The following ATOSA variants were observed in gnomAD, a reference collection of about 807,000 sequenced individuals.
The protein encoded by ATOSA is atos homolog protein A.
At chr15:52,658,799 TACA>T in the ATOSA span, 1 of 119,970 alleles carries the variant, frequency 8.3e-6, no homozygotes, top group Non-Finnish European at 1.2e-5. Context: ...ACCTCGTTTC[TACA>T]AAAAAAAAAA....
At chr15:52,629,506 TA>T in the ATOSA span, among the ~76,000 whole-genome samples, 33 of 139,128 alleles carry the variant, frequency 2.4e-4, no homozygotes, top group Middle Eastern at 3.6e-3. Flanking sequence ...TAAGGGTAGT[TA>T]AAAAAAAAAA....
chr15:52,585,446 T>C, the ATOSA span: 2 of 152,462 alleles, frequency 1.3e-5, no homozygotes, highest in African/African-American at 4.8e-5. Context: ...ATGTCTTAGG[T>C]ACATATGATT....
chr15:52,646,660 A>T, the ATOSA span, among the ~76,000 whole-genome samples: 3 of 152,314 alleles, frequency 2.0e-5, no homozygotes, highest in East Asian at 5.8e-4. Flanking sequence ...ACCATGTGAC[A>T]CTTTGCTTGC....
At chr15:52,663,231 A>C in the ATOSA span, among the ~76,000 whole-genome samples, 1 of 152,192 alleles carries the variant, frequency 6.6e-6, no homozygotes, top group Non-Finnish European at 1.5e-5. Context: ...TATCCAAATC[A>C]TAACAGTTTT....
At chr15:52,678,681 G>C in the ATOSA span, 2 of 153,506 alleles carry the variant, frequency 1.3e-5, no homozygotes, top group African/African-American at 4.8e-5. Context: ...GAACTCTTCC[G>C]GGCTGTCCCG....
chr15:52,627,391 C>G, the ATOSA span, among the ~76,000 whole-genome samples: 1 of 152,144 alleles, frequency 6.6e-6, no homozygotes, highest in Admixed American at 6.5e-5. Flanking sequence ...TCTATTAGTA[C>G]AGGGGCCAGG....
chr15:52,675,258 T>C, the ATOSA span, among the ~76,000 whole-genome samples: 2 of 152,176 alleles, frequency 1.3e-5, no homozygotes, highest in Non-Finnish European at 2.9e-5. Flanking sequence ...CAAAGTACAG[T>C]AGAAACTCCT....
chr15:52,649,844 T>G, the ATOSA span: 1 of 152,142 alleles, frequency 6.6e-6, no homozygotes, highest in East Asian at 1.9e-4. Flanking sequence ...CATTTTTAGG[T>G]GCTAAGCCCA....
chr15:52,612,982 G>A, the ATOSA span, among the ~76,000 whole-genome samples: 1 of 151,664 alleles, frequency 6.6e-6, no homozygotes, highest in African/African-American at 2.4e-5. Flanking sequence ...AATACAAAAG[G>A]GAAATTGGTT....
the ATOSA span, chr15:52,610,086 T>G: frequency 6.2e-7 from 1 of 1,614,016 alleles, no homozygotes; most frequent in Non-Finnish European, 8.5e-7. Context: ...CACTTTCAGG[T>G]GCCATGGTCC....
the ATOSA span, among the ~76,000 whole-genome samples, chr15:52,582,620 C>T: frequency 6.6e-6 from 1 of 152,176 alleles, no homozygotes; most frequent in South Asian, 2.1e-4. Flanking sequence ...TGCACCTTTC[C>T]TCATCTGCAG....
At chr15:52,660,729 G>T in the ATOSA span, among the ~76,000 whole-genome samples, 1 of 152,084 alleles carries the variant, frequency 6.6e-6, no homozygotes, top group Non-Finnish European at 1.5e-5. Flanking sequence ...TTGGCTCACT[G>T]CAACATCCGC....
the ATOSA span, among the ~76,000 whole-genome samples, chr15:52,622,515 T>C: frequency 1.3e-5 from 2 of 152,212 alleles, no homozygotes. Flanking sequence ...TTGGAGCTTA[T>C]ATTGTTGTGA....
At chr15:52,595,054 T>C in the ATOSA span, among the ~76,000 whole-genome samples, 1 of 152,184 alleles carries the variant, frequency 6.6e-6, no homozygotes, top group African/African-American at 2.4e-5. Flanking sequence ...GCACATGAAG[T>C]TCCCTTTGTC....
the ATOSA span, chr15:52,651,837 A>G: frequency 1.3e-6 from 2 of 1,533,590 alleles, no homozygotes; most frequent in East Asian, 4.9e-5. Context: ...GAAGCTTAAA[A>G]ATAAAGCCGT....
At chr15:52,626,902 C>T in the ATOSA span, among the ~76,000 whole-genome samples, 1 of 152,148 alleles carries the variant, frequency 6.6e-6, no homozygotes, top group Non-Finnish European at 1.5e-5. Context: ...AACAGTTATT[C>T]AGCCTCTTGA....
chr15:52,637,053 G>A, the ATOSA span, among the ~76,000 whole-genome samples: 1 of 152,088 alleles, frequency 6.6e-6, no homozygotes, highest in East Asian at 1.9e-4. Flanking sequence ...CCTTACTAAG[G>A]GAAACTTAAG....
chr15:52,653,826 A>C, the ATOSA span, among the ~76,000 whole-genome samples: 1 of 152,186 alleles, frequency 6.6e-6, no homozygotes, highest in South Asian at 2.1e-4. Flanking sequence ...TACTATGTCT[A>C]CTTAATTGTT....
chr15:52,690,453 A>C, the ATOSA span, among the ~76,000 whole-genome samples: 2 of 152,246 alleles, frequency 1.3e-5, no homozygotes. Flanking sequence ...ATGAATAAGG[A>C]TGTAACATTA....
Sources: gnomAD v4.1 joint callset for allele counts (sites outside exome capture counted in the v4.1 genomes callset) on GRCh38, gnomAD v4.1.1 for gene constraint, MANE v1.5 for transcripts, NCBI Gene and HGNC (gene_info 2026-07-23, HGNC 2026-07-21) for gene names.